GPR63: variants seen among roughly 807,000 people sequenced by gnomAD.
GPR63 encodes the protein probable G protein-coupled receptor 63.
Under a neutral mutation model 23.1 loss-of-function variants are expected in GPR63, and 12 were observed. That is an observed-to-expected ratio of 0.52 (90% confidence interval 0.33 to 0.84). GPR63 has a LOEUF of 0.84. Among genes scored for constraint, GPR63 ranks in the 40% least tolerant of loss-of-function variants. GPR63 has a pLI of 0.02. For missense variants in GPR63, 472 were observed against 515.6 expected, an observed-to-expected ratio of 0.92 and a Z score of 0.82; for synonymous variants, 172 against 191.1, an observed-to-expected ratio of 0.90 and a Z score of 0.82.
intron 1 of GPR63, among the ~76,000 whole-genome samples, chr6:96,816,595 C>A (rs778610684): frequency 1.4e-4 from 21 of 152,270 alleles, no homozygotes; most frequent in Admixed American, 9.2e-4. Flanking sequence ...AGGCACTCTG[C>A]AATTCGTGTT....
rs968814238 is a variant in GPR63, at chr6:96,794,208, C to T, written c.*4264G>A. 1.3e-5 allele frequency: 2 copies of T among 151,478 alleles called. No individual in the cohort carries two copies. The highest frequency in any genetic ancestry group is 6.6e-5 in the Admixed American group (1 of 15,200). 9.4% of individuals were successfully genotyped at this position (151,478 alleles called of 1,614,324 possible). A position where few individuals can be genotyped will look rare whatever the true frequency, so the allele number is the denominator to read the frequency against. On this transcript the variant is annotated 3_prime_UTR_variant, in exon 2 of 2. Transcript: ENST00000229955. ...AATATGCACAAATAACCATATTTTT[C>T]GATATTTAAATATTAGAACCCATAA...
Position 96,798,630 on chromosome 6 carries a change from G to C in GPR63, c.1102C>G (p.Pro368Ala), listed in dbSNP as rs1329975764. ...WLCYLKSALNPLIYYWRIKKF... is the reference protein window; with the variant it reads ...WLCYLKSALNALIYYWRIKKF... ...TTAATCCTCCAGTAGTAGATCAGCG[G>C]ATTCAATGCAGACTTGAGGTAGCAG... Residue 368 changes from proline (P) to alanine (A), a missense_variant, in exon 2 of 2, where the codon CCG (proline) becomes GCG (alanine). By Grantham distance (27) the Pro-to-Ala change is conservative. Coordinates refer to ENST00000229955, the MANE Select transcript of GPR63 (RefSeq NM_030784.4). 1 of 1,614,230 alleles carries C rather than the reference G, an allele frequency of 6.2e-7. No homozygotes were observed. The highest frequency in any genetic ancestry group is 2.2e-5 in the East Asian group (1 of 44,884).
chr6:96,811,889 TAAAATAAAA>T (rs1562119003), intron 1 of GPR63, among the ~76,000 whole-genome samples: 3 of 126,792 alleles, frequency 2.4e-5, no homozygotes, highest in Non-Finnish European at 5.2e-5. Flanking sequence ...AATAAATAAA[TAAAATAAAA>T]GGCAATCACC....
intron 1 of GPR63, among the ~76,000 whole-genome samples, chr6:96,811,224 G>A (rs1428495689): frequency 6.6e-6 from 1 of 152,138 alleles, no homozygotes; most frequent in African/African-American, 2.4e-5. Flanking sequence ...GAAACGAGTG[G>A]CACCACTATG....
At position 96,798,880 on chromosome 6, in the gene GPR63, G is replaced by GC; in HGVS notation, c.851dup (p.Cys284TrpfsTer22). 1 of 1,614,196 alleles carries GC rather than the reference G, an allele frequency of 6.2e-7. No homozygotes were observed. The highest frequency in any genetic ancestry group is 8.5e-7 in the Non-Finnish European group (1 of 1,180,048). ...GACCCAGTTTGCTGGCCTGGCTGAG[G>GC]CATATACCTTCAGGGTAGCTATGGA... On this transcript the variant is annotated frameshift_variant, in exon 2 of 2. Coordinates refer to ENST00000229955, the MANE Select transcript of GPR63 (RefSeq NM_030784.4). LOFTEE classifies it high-confidence loss of function.
Position 96,794,398 on chromosome 6 carries a change from A to G in GPR63, c.*4074T>C, listed in dbSNP as rs1256305297. 3.3e-5 allele frequency: 5 copies of G among 152,174 alleles called. No homozygotes were observed. Among genetic ancestry groups the G allele is most frequent in the African/African-American group, 4.8e-5 (2 of 41,468 alleles). 9.4% of individuals were successfully genotyped at this position (152,174 alleles called of 1,614,324 possible). ...TATCATAAAAACTGAGTTTTCAATG[A>G]AGGCAGTTTAGCAGGACTATAGTTG... On this transcript the variant is annotated 3_prime_UTR_variant, in exon 2 of 2. Coordinates refer to ENST00000229955, the MANE Select transcript of GPR63 (RefSeq NM_030784.4).
chr6:96,799,685 T>C lies in GPR63; in HGVS notation c.47A>G (p.Asn16Ser). 1 of 1,614,152 alleles carries C rather than the reference T, an allele frequency of 6.2e-7. No homozygotes were observed. The highest frequency in any genetic ancestry group is 1.1e-5 in the South Asian group (1 of 91,074). ...VLTAFHTGTS[N>S]TTFVVYENTY... ...GTTTTCATACACGACAAATGTTGTGTTGGATGTCCCGGTATGGAACGCAGT... is the reference window on the plus strand; with the variant it reads ...GTTTTCATACACGACAAATGTTGTGCTGGATGTCCCGGTATGGAACGCAGT... Residue 16 changes from asparagine to serine, a missense_variant, in exon 2 of 2, where the codon AAC becomes AGC. Coordinates refer to ENST00000229955, the MANE Select transcript of GPR63 (RefSeq NM_030784.4).
chr6:96,819,587 T>TG (rs557346219), intron 1 of GPR63, among the ~76,000 whole-genome samples: 44 of 151,782 alleles, frequency 2.9e-4, no homozygotes, highest in Non-Finnish European at 5.4e-4. Context: ...AAAACCTAAA[T>TG]GGGGGTTGAT....
chr6:96,831,905 C>CA (rs1323625608), intron 1 of GPR63, among the ~76,000 whole-genome samples: 136 of 135,484 alleles, frequency 1.0e-3, no homozygotes, highest in East Asian at 2.1e-3. Context: ...GACTCTGTCA[C>CA]AAAAAAAAAA....
At chr6:96,816,136 A>G (rs920026685) in intron 1 of GPR63, among the ~76,000 whole-genome samples, 2 of 152,248 alleles carry the variant, frequency 1.3e-5, no homozygotes, top group Admixed American at 1.3e-4. Context: ...ATTCTTAAAA[A>G]TCAATGAATA....
At chr6:96,827,013 T>A (rs1774455292) in intron 1 of GPR63, among the ~76,000 whole-genome samples, 1 of 141,190 alleles carries the variant, frequency 7.1e-6, no homozygotes. Flanking sequence ...CTGAAATAAT[T>A]ACCACAAAGT....
intron 1 of GPR63, among the ~76,000 whole-genome samples, chr6:96,834,520 CA>C (rs1318940910): frequency 6.6e-6 from 1 of 150,518 alleles, no homozygotes; most frequent in Non-Finnish European, 1.5e-5. Context: ...CATGTGTCTT[CA>C]AGGAAACACT....
At chr6:96,827,944 A>C (rs1270683978) in intron 1 of GPR63, among the ~76,000 whole-genome samples, 1 of 152,158 alleles carries the variant, frequency 6.6e-6, no homozygotes, top group African/African-American at 2.4e-5. Context: ...GTGGAAAGAT[A>C]ATAATGAATA....
chr6:96,813,242 T>A (rs1403173970), intron 1 of GPR63, among the ~76,000 whole-genome samples: 1 of 152,190 alleles, frequency 6.6e-6, no homozygotes, highest in Non-Finnish European at 1.5e-5. Flanking sequence ...CTTTGTCTGT[T>A]GATGGACATT....
chr6:96,800,610 C>T (rs1445994824), intron 1 of GPR63, among the ~76,000 whole-genome samples: 5 of 152,154 alleles, frequency 3.3e-5, no homozygotes, highest in Admixed American at 6.5e-5. Context: ...AAGAAAAATT[C>T]TAAGATGTCT....
At chr6:96,828,421 G>T (rs932038395) in intron 1 of GPR63, among the ~76,000 whole-genome samples, 1 of 151,758 alleles carries the variant, frequency 6.6e-6, no homozygotes, top group Non-Finnish European at 1.5e-5. Flanking sequence ...GAATTTTGGG[G>T]GATACAATTC....
chr6:96,796,701 T>A lies in GPR63; in HGVS notation c.*1771A>T, dbSNP rs549459930. 1 of 152,222 alleles carries A rather than the reference T, an allele frequency of 6.6e-6. No individual in the cohort carries two copies. The highest frequency in any genetic ancestry group is 1.5e-5 in the Non-Finnish European group (1 of 68,048). 9.4% of individuals were successfully genotyped at this position (152,222 alleles called of 1,614,324 possible). On this transcript the variant is annotated 3_prime_UTR_variant, in exon 2 of 2. Coordinates refer to ENST00000229955, the MANE Select transcript of GPR63 (RefSeq NM_030784.4). ...AACTCCAGCTCTGCTAGGGCAAGCA[T>A]TGGGGCAACAATACTATTCTGCCCA...
At chr6:96,810,133 A>T (rs915321284) in intron 1 of GPR63, among the ~76,000 whole-genome samples, 2 of 152,208 alleles carry the variant, frequency 1.3e-5, no homozygotes, top group African/African-American at 4.8e-5. Context: ...CATGCAGATA[A>T]GAATGTTCAT....
In GPR63 at chr6:96,798,499, C is replaced by T. The variant is rs775502171; in HGVS notation, c.1233G>A (p.Val411=). ...ACACCACCGTCCGATGTTCCCCACA[C>T]ACATAGACAGCACTAGGACGTATCC... ...KRRIRPSAVY[V]CGEHRTVV Residue 411 remains valine (V), a synonymous_variant, in exon 2 of 2, where the codon GTG becomes GTA. Coordinates refer to ENST00000229955, the MANE Select transcript of GPR63 (RefSeq NM_030784.4). 11 of 1,614,008 alleles carry T rather than the reference C, an allele frequency of 6.8e-6. No homozygotes were observed. The highest frequency in any genetic ancestry group is 9.3e-6 in the Non-Finnish European group (11 of 1,180,002).
Sources: gnomAD v4.1 joint callset for allele counts (sites outside exome capture counted in the v4.1 genomes callset) on GRCh38, gnomAD v4.1.1 for gene constraint, MANE v1.5 for transcripts, NCBI Gene and HGNC (gene_info 2026-07-23, HGNC 2026-07-21) for gene names.